The following F11 variants were observed in gnomAD, a reference collection of about 807,000 sequenced individuals.
F11 encodes coagulation factor XI.
A neutral mutation model predicts 76.5 loss-of-function variants in F11; 78 were observed. That is an observed-to-expected ratio of 1.02 (90% CI 0.85 to 1.23). The LOEUF (loss-of-function observed/expected upper bound fraction) is 1.23. Among genes scored for constraint, F11 ranks in the 50% most tolerant of loss-of-function variants. F11 has a pLI of 0.00. For synonymous variants in F11, 278 were observed against 276.3 expected (o/e 1.01, Z -0.06); for missense variants, 742 against 771.4 (o/e 0.96, Z 0.45).
chr4:186,275,747 T>A lies in F11; in HGVS notation c.486-40T>A, dbSNP rs1477901818. ...ATCTCATGTTTTTTCCTCCTTGCAGTTGGAAGAATAAGACACTTTTCCTTT... is the reference window on the plus strand; with the variant it reads ...ATCTCATGTTTTTTCCTCCTTGCAGATGGAAGAATAAGACACTTTTCCTTT... On this transcript the variant is annotated intron_variant, in intron 5 of 14. Coordinates refer to ENST00000403665, the MANE Select transcript of F11 (RefSeq NM_000128.4). 5.5e-6 allele frequency: 8 copies of A among 1,449,106 alleles called. No individual in the cohort carries two copies. The South Asian group carries it at 8.2e-5, about 15-fold the overall frequency. 89.8% of individuals were successfully genotyped at this position (1,449,106 alleles called of 1,614,324 possible).
intron 6 of F11, 149 bp from the exon 7 acceptor site, chr4:186,276,082 T>A (rs1382088319): frequency 2.0e-6 from 2 of 1,012,318 alleles, no homozygotes; most frequent in Non-Finnish European, 1.5e-6. Context: ...CAGTTTAAAA[T>A]AATCATGCCA....
rs1366342553 is a variant in F11, at chr4:186,284,192, G to C, written c.1236G>C (p.Gln412His). 6.2e-7 allele frequency: 1 copy of C among 1,614,254 alleles called. No homozygotes were observed. The highest frequency in any genetic ancestry group is 2.2e-5 in the East Asian group (1 of 44,886). Residue 412 changes from glutamine (Q) to histidine (H), a missense_variant, in exon 11 of 15, where the codon CAG becomes CAC. By Grantham distance (24) the Gln-to-His change is conservative (BLOSUM62 0). Coordinates refer to ENST00000403665, the MANE Select transcript of F11 (RefSeq NM_000128.4). ...QVTLHTTSPT[Q>H]RHLCGGSIIG... ...CCCTGCACACAACCTCACCCACTCA[G>C]AGACACCTGTGTGGAGGCTCCATCA... is the stretch of plus-strand genomic sequence containing the variant.
At chr4:186,277,825 G>T (rs1740492447) in intron 7 of F11, among the ~76,000 whole-genome samples, 1 of 152,106 alleles carries the variant, frequency 6.6e-6, no homozygotes, top group Non-Finnish European at 1.5e-5. Flanking sequence ...TTGAGACAGG[G>T]TCTTGCTCTG....
intron 7 of F11, among the ~76,000 whole-genome samples, chr4:186,276,991 C>T (rs1055951931): frequency 6.6e-6 from 1 of 152,060 alleles, no homozygotes; most frequent in African/African-American, 2.4e-5. Context: ...GAAGTCTGGG[C>T]TTTCAGTGTA....
intron 10 of F11, chr4:186,282,376 T>C: frequency 2.0e-6 from 2 of 985,290 alleles, no homozygotes; most frequent in Non-Finnish European, 2.4e-6. Flanking sequence ...GATAACTAGG[T>C]TTTTACTGCG....
At chr4:186,282,371 C>T in intron 10 of F11, 6 of 985,326 alleles carry the variant, frequency 6.1e-6, no homozygotes, top group Non-Finnish European at 6.0e-6. Flanking sequence ...AATTAGATAA[C>T]TAGGTTTTTA....
chr4:186,283,889 G>T (rs577151071), intron 10 of F11: 3 of 208,812 alleles, frequency 1.4e-5, no homozygotes, highest in Non-Finnish European at 2.5e-5. Flanking sequence ...ATTCTTAGGG[G>T]TGTGTAATTA....
intron 1 of F11, 47 bp downstream of exon 1, chr4:186,266,342 G>T (rs749286081): frequency 4.6e-5 from 7 of 152,086 alleles, no homozygotes; most frequent in East Asian, 1.9e-4. Context: ...AAGCAAATAC[G>T]CCTTGAAATG....
rs1378148961 is a variant in F11, at chr4:186,280,564, G to C, written c.1119G>C (p.Leu373Phe). Residue 373 changes from leucine to phenylalanine, a missense_variant, in exon 10 of 15, where the codon TTG becomes TTC. Physicochemically the swap from Leu to Phe is conservative, Grantham distance 22. Transcript: ENST00000403665. ...RGGISGYTLRLCKMDNECTTK... is the reference protein window; with the variant it reads ...RGGISGYTLRFCKMDNECTTK... ...GCATCTCTGGATACACATTAAGGTT[G>C]TGTAAAATGGATAATGGTGAGTATA... 6.2e-7 allele frequency: 1 copy of C among 1,613,098 alleles called. No homozygotes were observed. The highest frequency in any genetic ancestry group is 1.7e-5 in the Admixed American group (1 of 60,024).
intron 10 of F11, chr4:186,282,889 C>T: frequency 1.0e-5 from 10 of 985,384 alleles, no homozygotes; most frequent in Non-Finnish European, 1.1e-5. Context: ...GAATTATACA[C>T]TCATTTTCCT....
rs1350577941 is a variant in F11, at chr4:186,280,100, A to G, written c.844A>G (p.Ser282Gly). The G allele has an allele frequency of 1.2e-6, 2 of 1,614,084 alleles. No homozygotes were observed. The highest frequency in any genetic ancestry group is 2.7e-5 in the African/African-American group (2 of 74,926). ...AGCTCTTTCTGGTTTCAGTCTACAAAGCTGCAGGCACAGCATCCCAGGTAA... is the reference window on the plus strand; with the variant it reads ...AGCTCTTTCTGGTTTCAGTCTACAAGGCTGCAGGCACAGCATCCCAGGTAA... Reference protein sequence around the residue: ...SKALSGFSLQSCRHSIPVFCH... With the variant: ...SKALSGFSLQGCRHSIPVFCH... The change falls in exon 8 of 15, where the codon AGC becomes GGC. Residue 282 changes from serine to glycine, a missense_variant. Coordinates refer to ENST00000403665, the MANE Select transcript of F11 (RefSeq NM_000128.4).
intron 7 of F11, among the ~76,000 whole-genome samples, 192 bp downstream of exon 7, chr4:186,276,582 C>CTTTTTTTTTT (rs33965536): frequency 5.3e-5 from 4 of 75,916 alleles, no homozygotes; most frequent in African/African-American, 1.5e-4. Context: ...ACCGAGGACT[C>CTTTTTTTTTT]TTTTTTTTTT....
At chr4:186,274,339 T>A in intron 5 of F11, 64 bp downstream of exon 5, 1 of 1,606,016 alleles carries the variant, frequency 6.2e-7, no homozygotes, top group Non-Finnish European at 8.5e-7. Flanking sequence ...ACTAAAAAGC[T>A]TTTGCCATCA....
Position 186,288,695 on chromosome 4 carries a change from G to C in F11, c.*81G>C. On this transcript the variant is annotated 3_prime_UTR_variant, in exon 15 of 15. Coordinates refer to ENST00000403665, the MANE Select transcript of F11 (RefSeq NM_000128.4). ...GGTGTTGAGTTCACTGTGCCAGCAT[G>C]CTTCCTCCACAGTAACACGCTGAAG... is the stretch of plus-strand genomic sequence containing the variant. 2 of 1,464,052 alleles carry C rather than the reference G, an allele frequency of 1.4e-6. No homozygotes were observed. Among genetic ancestry groups the C allele is most frequent in the Non-Finnish European group, 1.9e-6 (2 of 1,064,384 alleles). The allele number at this position is 1,464,052 out of a possible 1,614,324, so 90.7% of individuals were successfully genotyped here.
At position 186,276,299 on chromosome 4, in the gene F11, G is replaced by A. The variant is rs281875245; in HGVS notation, c.664G>A (p.Asp222Asn). The A allele has an allele frequency of 2.5e-6, 4 of 1,614,076 alleles. No individual in the cohort carries two copies. Among genetic ancestry groups the A allele is most frequent in the Non-Finnish European group, 3.4e-6 (4 of 1,180,010 alleles). ...CAACATCGACAGTGTCATGGCTCCC[G>A]ATGCTTTTGTCTGTGGCCGAATCTG... ...DSNIDSVMAP[D>N]AFVCGRICTH... is the part of the protein sequence containing the mutation. Residue 222 changes from aspartate (D) to asparagine (N), a missense_variant, in exon 7 of 15, where the codon GAT (aspartate) becomes AAT (asparagine). Asp to Asn is a conservative substitution (Grantham distance 23). Coordinates refer to ENST00000403665, the MANE Select transcript of F11 (RefSeq NM_000128.4).
chr4:186,276,744 GC>G (rs1172442678), intron 7 of F11, among the ~76,000 whole-genome samples: 2 of 151,468 alleles, frequency 1.3e-5, no homozygotes, highest in Non-Finnish European at 2.9e-5. Flanking sequence ...GGGACACCAC[GC>G]CCAGTAATTT....
Position 186,284,090 on chromosome 4 carries a change from A to G in F11, c.1136-2A>G. 1.9e-6 allele frequency: 3 copies of G among 1,614,250 alleles called. No individual in the cohort carries two copies. The highest frequency in any genetic ancestry group is 1.1e-5 in the South Asian group (1 of 91,090). Reference sequence around the variant, plus strand: ...CTGCTCATCACAATGCTTCTGTTGCAGAGTGTACCACCAAAATCAAGCCCA... The same window carrying G: ...CTGCTCATCACAATGCTTCTGTTGCGGAGTGTACCACCAAAATCAAGCCCA... On this transcript the variant is annotated splice_acceptor_variant, in intron 10 of 14. Transcript: ENST00000403665. LOFTEE classifies it high-confidence loss of function.
chr4:186,287,890 T>C, intron 14 of F11, 67 bp downstream of exon 14: 1 of 1,565,628 alleles, frequency 6.4e-7, no homozygotes, highest in South Asian at 1.1e-5. Flanking sequence ...GGGGTTTTTT[T>C]GTTTGTTTTG....
At chr4:186,280,623 T>G in intron 10 of F11, 43 bp downstream of exon 10, 15 of 1,329,316 alleles carry the variant, frequency 1.1e-5, no homozygotes, top group Non-Finnish European at 1.5e-5. Flanking sequence ...GAAGGAATTA[T>G]TCCATGCTTC....
Sources: allele counts gnomAD v4.1 joint callset (sites outside exome capture counted in the v4.1 genomes callset), GRCh38; gene constraint gnomAD v4.1.1; transcripts MANE v1.5; gene names NCBI Gene and HGNC (gene_info 2026-07-23, HGNC 2026-07-21).